Variants in CTNNA2 observed in about 807,000 individuals in gnomAD.
CTNNA2 encodes catenin alpha 2, also known as catenin alpha-2.
A neutral mutation model predicts 101.0 loss-of-function variants in CTNNA2; 42 were observed. The ratio of observed to expected loss-of-function variants is 0.42; its 90% CI spans 0.32 to 0.54. The LOEUF (loss-of-function observed/expected upper bound fraction) is 0.54, where lower values mean the gene tolerates loss of function less well. Among genes scored for constraint, CTNNA2 ranks in the 20% least tolerant of loss-of-function variants. CTNNA2 has a pLI of 0.14. For missense variants in CTNNA2, 871 were observed against 1,223.1 expected, an observed-to-expected ratio of 0.71 and a Z score of 4.29; for synonymous variants, 450 against 456.4, an observed-to-expected ratio of 0.99 and a Z score of 0.18.
At chr2:79,355,942 A>G (rs1222374135) in intron 3 of CTNNA2, among the ~76,000 whole-genome samples, 1 of 151,906 alleles carries the variant, frequency 6.6e-6, no homozygotes, top group African/African-American at 2.4e-5. Flanking sequence ...TTTCTATTCC[A>G]TAGGGTATAT....
intron 7 of CTNNA2, among the ~76,000 whole-genome samples, chr2:79,960,130 A>T (rs1689529373): frequency 6.6e-6 from 1 of 152,156 alleles, no homozygotes; most frequent in Non-Finnish European, 1.5e-5. Flanking sequence ...AGCTACTTTT[A>T]AAATCCACTA....
chr2:79,378,863 A>G (rs1678008570), intron 4 of CTNNA2, among the ~76,000 whole-genome samples: 1 of 152,126 alleles, frequency 6.6e-6, no homozygotes, highest in Non-Finnish European at 1.5e-5. Flanking sequence ...TGTCTCAATC[A>G]AAACTCTGAG....
intron 4 of CTNNA2, among the ~76,000 whole-genome samples, chr2:79,410,946 A>G (rs534094107): frequency 2.0e-5 from 3 of 152,090 alleles, no homozygotes; most frequent in East Asian, 1.9e-4. Context: ...CTTTTTGGTT[A>G]GTAAGCTATT....
intron 1 of CTNNA2, among the ~76,000 whole-genome samples, chr2:79,192,238 A>G (rs1327514765): frequency 6.6e-6 from 1 of 152,078 alleles, no homozygotes; most frequent in Non-Finnish European, 1.5e-5. Flanking sequence ...CCTTGGCCAA[A>G]AGGGGTTTGT....
rs188029490 is a variant in CTNNA2, at chr2:79,943,643, C to T, written c.1056+33846C>T. 5.9e-5 allele frequency among the ~76,000 whole-genome samples: 9 copies of T among 152,316 alleles called. No homozygotes were observed. In the East Asian group the frequency reaches 1.7e-3, roughly 29 times the overall value. ...AGCACCATGTAACTTCCTCTCTGCTCATTGCCAGTTCTTTTCCATAAAGAA... is the reference window on the plus strand; with the variant it reads ...AGCACCATGTAACTTCCTCTCTGCTTATTGCCAGTTCTTTTCCATAAAGAA... On this transcript the variant is annotated intron_variant, in intron 7 of 18. Transcript: ENST00000402739.
intron 1 of CTNNA2, among the ~76,000 whole-genome samples, chr2:79,596,833 C>T (rs920229442): frequency 6.6e-6 from 1 of 152,204 alleles, no homozygotes; most frequent in Non-Finnish European, 1.5e-5. Flanking sequence ...TATGCAGAAA[C>T]CTTCCAGTGC....
At chr2:79,926,037 A>G (rs1686996816) in intron 7 of CTNNA2, among the ~76,000 whole-genome samples, 1 of 152,148 alleles carries the variant, frequency 6.6e-6, no homozygotes, top group Non-Finnish European at 1.5e-5. Flanking sequence ...CTATCCTGAA[A>G]TATCCAAATG....
chr2:79,531,735 G>A (rs1008974921), intron 1 of CTNNA2, among the ~76,000 whole-genome samples: 1 of 151,320 alleles, frequency 6.6e-6, no homozygotes, highest in Non-Finnish European at 1.5e-5. Context: ...AGGCTGGAGT[G>A]CAATGGCATG....
chr2:79,485,221 T>TAAA (rs11320348), intron 4 of CTNNA2, among the ~76,000 whole-genome samples: 5 of 150,400 alleles, frequency 3.3e-5, no homozygotes, highest in East Asian at 2.0e-4. Context: ...TTATACTAAG[T>TAAA]AAAAAAAAAA....
intron 13 of CTNNA2, 138 bp downstream of exon 13, chr2:80,574,452 A>T: frequency 9.7e-7 from 1 of 1,034,236 alleles, no homozygotes; most frequent in Non-Finnish European, 1.3e-6. Context: ...TAGTCAGACA[A>T]GGTGAGCTTT....
intron 2 of CTNNA2, among the ~76,000 whole-genome samples, chr2:79,710,528 G>A (rs1274074627): frequency 2.0e-5 from 3 of 152,194 alleles, no homozygotes; most frequent in African/African-American, 7.2e-5. Context: ...ACCCAGTGGA[G>A]AGTGTTTCGA....
At chr2:79,973,081 C>A (rs529292687) in intron 7 of CTNNA2, among the ~76,000 whole-genome samples, 1 of 151,874 alleles carries the variant, frequency 6.6e-6, no homozygotes, top group Non-Finnish European at 1.5e-5. Context: ...AAAAACAATC[C>A]GTTTTTTTTT....
At chr2:80,047,794 G>T (rs924515357) in intron 7 of CTNNA2, among the ~76,000 whole-genome samples, 2 of 152,202 alleles carry the variant, frequency 1.3e-5, no homozygotes, top group African/African-American at 4.8e-5. Context: ...AGCTTGAAAA[G>T]TGGTTGAAAA....
intron 7 of CTNNA2, among the ~76,000 whole-genome samples, chr2:80,181,322 TG>T (rs570718481): frequency 5.3e-5 from 8 of 152,070 alleles, no homozygotes; most frequent in Admixed American, 5.2e-4. Flanking sequence ...TTGCCACCAC[TG>T]GGGGTGGGAA....
At chr2:79,202,807 A>T (rs1376767936) in intron 2 of CTNNA2, among the ~76,000 whole-genome samples, 2 of 152,092 alleles carry the variant, frequency 1.3e-5, no homozygotes, top group African/African-American at 4.8e-5. Context: ...CATTGTTCTC[A>T]CATGGCTCTA....
intron 3 of CTNNA2, among the ~76,000 whole-genome samples, chr2:79,330,426 G>A (rs1011232180): frequency 6.6e-5 from 10 of 152,096 alleles, no homozygotes; most frequent in African/African-American, 1.9e-4. Context: ...TGAAACTCAC[G>A]GGACTCAACA....
intron 4 of CTNNA2, among the ~76,000 whole-genome samples, chr2:79,446,541 C>T (rs1013718049): frequency 1.3e-5 from 2 of 152,070 alleles, no homozygotes; most frequent in African/African-American, 4.8e-5. Flanking sequence ...TATACTCAGC[C>T]TCACATAAAG....
intron 9 of CTNNA2, among the ~76,000 whole-genome samples, chr2:80,488,399 T>C (rs1268119398): frequency 6.6e-6 from 1 of 152,080 alleles, no homozygotes; most frequent in East Asian, 1.9e-4. Context: ...ATTCCCTAAG[T>C]CCCTCAACTT....
chr2:80,456,191 A>G (rs910075425), intron 9 of CTNNA2, among the ~76,000 whole-genome samples: 2 of 152,160 alleles, frequency 1.3e-5, no homozygotes, highest in African/African-American at 2.4e-5. Context: ...CACCTGAGCT[A>G]TTGGTGACAT....
Sources: gnomAD v4.1 joint callset for allele counts (sites outside exome capture counted in the v4.1 genomes callset) on GRCh38, gnomAD v4.1.1 for gene constraint, MANE v1.5 for transcripts, NCBI Gene and HGNC (gene_info 2026-07-23, HGNC 2026-07-21) for gene names.